LRRC3B: variants seen among roughly 807,000 people sequenced by gnomAD.
The protein encoded by LRRC3B is leucine-rich repeat-containing protein 3B.
Under a neutral mutation model 12.8 loss-of-function variants are expected in LRRC3B, and 2 were observed. The observed-to-expected ratio is 0.16, with a 90% CI of 0.06 to 0.49. The LOEUF (loss-of-function observed/expected upper bound fraction) is 0.49. Ranked by LOEUF, LRRC3B falls within the 20% of genes least tolerant of loss-of-function variation. LRRC3B has a pLI of 0.96. For missense variants in LRRC3B, 189 were observed against 319.4 expected (o/e 0.59, Z 3.11); for synonymous variants, 132 against 122.0 (o/e 1.08, Z -0.54).
chr3:26,694,433 A>G (rs371733022), intron 1 of LRRC3B: 11 of 152,302 alleles, frequency 7.2e-5, no homozygotes, highest in African/African-American at 2.6e-4. Flanking sequence ...ATTCATTTGT[A>G]GAACGCTCAG....
intron 1 of LRRC3B, among the ~76,000 whole-genome samples, chr3:26,706,997 T>C (rs150338896): frequency 7.3e-4 from 111 of 152,296 alleles, no homozygotes; most frequent in African/African-American, 2.2e-3. Context: ...GTGTTGGGAA[T>C]GTATCCGAGA....
At chr3:26,627,257 TC>T (rs747255231) in intron 1 of LRRC3B, among the ~76,000 whole-genome samples, 8 of 152,064 alleles carry the variant, frequency 5.3e-5, no homozygotes, top group Non-Finnish European at 1.0e-4. Flanking sequence ...CAGGATGTCC[TC>T]CCCTTGGAGA....
intron 1 of LRRC3B, among the ~76,000 whole-genome samples, chr3:26,649,729 T>G (rs536352866): frequency 1.8e-4 from 27 of 152,324 alleles, no homozygotes; most frequent in African/African-American, 5.8e-4. Flanking sequence ...CTTTAAGGCA[T>G]TTGGTAACCT....
exon 2 of LRRC3B, chr3:26,709,943 A>G: frequency 1.2e-6 from 2 of 1,614,112 alleles, no homozygotes; most frequent in Non-Finnish European, 1.7e-6. Flanking sequence ...CCATCAACTG[A>G]GAGTTCTCAA....
At chr3:26,642,872 C>T (rs1283914029) in intron 1 of LRRC3B, among the ~76,000 whole-genome samples, 1 of 152,034 alleles carries the variant, frequency 6.6e-6, no homozygotes, top group African/African-American at 2.4e-5. Context: ...CAAAAATTAG[C>T]TGGGTGTGGT....
chr3:26,668,482 T>C (rs1227472789), intron 1 of LRRC3B, among the ~76,000 whole-genome samples: 2 of 152,142 alleles, frequency 1.3e-5, no homozygotes, highest in Non-Finnish European at 2.9e-5. Context: ...TTAGTTTTTG[T>C]GGAATGCACA....
chr3:26,669,654 T>C (rs1244639928), intron 1 of LRRC3B, among the ~76,000 whole-genome samples: 2 of 152,160 alleles, frequency 1.3e-5, no homozygotes, highest in African/African-American at 2.4e-5. Context: ...AATTGGAAAA[T>C]AAAAGAGGTT....
rs994121847 is a variant in LRRC3B, at chr3:26,627,888, A to C, written c.-161+4651A>C. Among the ~76,000 whole-genome samples the C allele has an allele frequency of 2.0e-5, 3 of 152,280 alleles. 1 individual carries two copies. The South Asian group carries it at 6.2e-4, about 32-fold the overall frequency. On this transcript the variant is annotated intron_variant, in intron 1 of 1. Transcript: ENST00000396641. ...TAGTTGAGTTGCAGCAGTGTTAAAG[A>C]AAAGAGACATAACACTGAAGTTAAG...
intron 1 of LRRC3B, among the ~76,000 whole-genome samples, chr3:26,632,753 A>G (rs1037222882): frequency 2.0e-5 from 3 of 152,118 alleles, no homozygotes; most frequent in African/African-American, 7.2e-5. Context: ...TCAGAAGTCA[A>G]CATGGTGGAT....
chr3:26,704,590 G>C (rs1173775482), intron 1 of LRRC3B, among the ~76,000 whole-genome samples: 1 of 151,520 alleles, frequency 6.6e-6, no homozygotes, highest in Admixed American at 6.6e-5. Flanking sequence ...TTTAGAGACA[G>C]GGTCTTGCTA....
intron 1 of LRRC3B, among the ~76,000 whole-genome samples, chr3:26,702,264 T>TAAAC (rs1199823904): frequency 2.0e-5 from 3 of 152,186 alleles, no homozygotes; most frequent in African/African-American, 7.2e-5. Flanking sequence ...TTCCTTGCCT[T>TAAAC]AAACAGTTCT....
chr3:26,654,668 G>T (rs949668726), intron 1 of LRRC3B, among the ~76,000 whole-genome samples: 9 of 152,178 alleles, frequency 5.9e-5, no homozygotes, highest in Non-Finnish European at 1.3e-4. Flanking sequence ...TTTGACTATA[G>T]CCTGGAGGCA....
intron 1 of LRRC3B, among the ~76,000 whole-genome samples, chr3:26,650,964 T>C (rs907425353): frequency 1.3e-5 from 2 of 152,192 alleles, no homozygotes; most frequent in Non-Finnish European, 2.9e-5. Context: ...ATTGTAAAAA[T>C]GAAGAAATGC....
intron 1 of LRRC3B, among the ~76,000 whole-genome samples, chr3:26,678,355 G>A (rs1329387431): frequency 6.6e-6 from 1 of 152,084 alleles, no homozygotes; most frequent in Non-Finnish European, 1.5e-5. Flanking sequence ...TTAGCTGGGT[G>A]TGGTGGCACA....
intron 1 of LRRC3B, among the ~76,000 whole-genome samples, chr3:26,686,106 G>A (rs1240173187): frequency 1.3e-5 from 2 of 151,604 alleles, no homozygotes; most frequent in Non-Finnish European, 2.9e-5. Flanking sequence ...TCGAGATGGA[G>A]TCTCACTCTG....
At chr3:26,668,369 C>T (rs1386255246) in intron 1 of LRRC3B, among the ~76,000 whole-genome samples, 1 of 151,928 alleles carries the variant, frequency 6.6e-6, no homozygotes, top group African/African-American at 2.4e-5. Flanking sequence ...GATTTGGGGG[C>T]CATGAAATTG....
intron 1 of LRRC3B, among the ~76,000 whole-genome samples, chr3:26,704,369 T>C (rs1397152280): frequency 1.3e-5 from 2 of 152,176 alleles, no homozygotes; most frequent in Admixed American, 6.5e-5. Flanking sequence ...TTGAGAATGC[T>C]TTGTTCTTAA....
intron 1 of LRRC3B, among the ~76,000 whole-genome samples, chr3:26,682,265 T>C (rs1213337008): frequency 6.6e-6 from 1 of 152,162 alleles, no homozygotes; most frequent in Non-Finnish European, 1.5e-5. Context: ...CCAACTGTTT[T>C]TCAAGCTCCT....
At chr3:26,693,396 A>G in intron 1 of LRRC3B, among the ~76,000 whole-genome samples, 1 of 151,416 alleles carries the variant, frequency 6.6e-6, no homozygotes, top group South Asian at 2.1e-4. Context: ...GAAGCCTAGG[A>G]TCAGAACTGG....
Sources: gnomAD v4.1 joint callset for allele counts (sites outside exome capture counted in the v4.1 genomes callset) on GRCh38, gnomAD v4.1.1 for gene constraint, MANE v1.5 for transcripts, NCBI Gene and HGNC (gene_info 2026-07-23, HGNC 2026-07-21) for gene names.